The following PKHD1 variants were observed in gnomAD, a reference collection of about 807,000 sequenced individuals.
PKHD1 encodes fibrocystin.
PKHD1 carries 291 observed loss-of-function variants against 412.0 expected under a neutral mutation model. The observed-to-expected ratio is 0.71, with a 90% CI of 0.64 to 0.78. The LOEUF (loss-of-function observed/expected upper bound fraction) is 0.78. PKHD1 is among the 30% of genes least tolerant of loss of function. The pLI, the probability that PKHD1 is intolerant of heterozygous loss-of-function variation, is 0.00. For missense variants in PKHD1, 4,825 were observed against 4,950.7 expected (o/e 0.97, Z 0.76); for synonymous variants, 1,777 against 1,821.5 (o/e 0.98, Z 0.62).
intron 49 of PKHD1, among the ~76,000 whole-genome samples, chr6:51,850,969 G>T (rs1772119025): frequency 6.6e-6 from 1 of 152,094 alleles, no homozygotes; most frequent in African/African-American, 2.4e-5. Flanking sequence ...TCCTTGTCTT[G>T]TGCTGGTTTT....
intron 11 of PKHD1, among the ~76,000 whole-genome samples, chr6:52,068,332 C>T (rs1391114049): frequency 1.3e-5 from 2 of 152,158 alleles, no homozygotes; most frequent in African/African-American, 4.8e-5. Flanking sequence ...GTCCTGATCC[C>T]AAGAAGACAC....
chr6:52,064,896 C>T, intron 13 of PKHD1, 59 bp downstream of exon 13: 1 of 859,068 alleles, frequency 1.2e-6, no homozygotes, highest in Non-Finnish European at 2.0e-6. Context: ...TTCTACTCGC[C>T]AGCCCATCAT....
At chr6:51,921,419 C>T (rs1194869449) in intron 37 of PKHD1, among the ~76,000 whole-genome samples, 1 of 152,166 alleles carries the variant, frequency 6.6e-6, no homozygotes, top group Non-Finnish European at 1.5e-5. Context: ...GGTTGCTCTT[C>T]TCAAGGAGTA....
chr6:52,080,148 C>T, intron 4 of PKHD1, 140 bp from the exon 5 acceptor site: 1 of 683,732 alleles, frequency 1.5e-6, no homozygotes, highest in South Asian at 1.5e-5. Context: ...CCTTTCACCT[C>T]TTTGATCCAC....
chr6:51,803,617 T>G (rs1432116921), intron 52 of PKHD1, among the ~76,000 whole-genome samples: 1 of 151,684 alleles, frequency 6.6e-6, no homozygotes, highest in Non-Finnish European at 1.5e-5. Flanking sequence ...ATTCATTCAC[T>G]TAGCAAATAC....
In PKHD1 at chr6:51,746,772, A is replaced by T; in HGVS notation, c.9947T>A (p.Met3316Lys). The change falls in exon 59 of 67, where the codon ATG becomes AAG. Residue 3316 changes from methionine to lysine, a missense_variant. By Grantham distance (95) the Met-to-Lys change is moderately conservative. Coordinates refer to ENST00000371117, the MANE Select transcript of PKHD1 (RefSeq NM_138694.4). ...CTTGTTTTTATCTTTTATCTTTAGC[A>T]TCCTGGTCCTCTCTGCTGTTATTGG... ...MHPITAERTR[M>K]LKIKDKNKFY... 1 of 1,611,626 alleles carries T rather than the reference A, an allele frequency of 6.2e-7. No individual in the cohort carries two copies. Among genetic ancestry groups the T allele is most frequent in the East Asian group, 2.2e-5 (1 of 44,842 alleles).
chr6:51,864,201 G>A (rs955990877), intron 48 of PKHD1, among the ~76,000 whole-genome samples: 23 of 152,112 alleles, frequency 1.5e-4, no homozygotes, highest in African/African-American at 4.8e-4. Flanking sequence ...GCAGAGTGCT[G>A]AGAGATAATG....
At chr6:51,636,857 T>C (rs1227730769) in intron 64 of PKHD1, among the ~76,000 whole-genome samples, 1 of 152,160 alleles carries the variant, frequency 6.6e-6, no homozygotes, top group African/African-American at 2.4e-5. Flanking sequence ...CTCCATCTAT[T>C]CTCTCCAAAT....
chr6:51,772,492 T>C (rs1790312033), intron 55 of PKHD1, among the ~76,000 whole-genome samples: 1 of 151,978 alleles, frequency 6.6e-6, no homozygotes, highest in Non-Finnish European at 1.5e-5. Context: ...ATAAACTGTG[T>C]TCCTCTATTA....
At chr6:51,666,768 C>G (rs376717772) in intron 60 of PKHD1, among the ~76,000 whole-genome samples, 1 of 147,784 alleles carries the variant, frequency 6.8e-6, no homozygotes, top group East Asian at 2.0e-4. Context: ...TTGTTCAATT[C>G]CCACCTATGA....
chr6:51,842,011 GA>G (rs1313611459), intron 50 of PKHD1, among the ~76,000 whole-genome samples: 1 of 152,256 alleles, frequency 6.6e-6, no homozygotes, highest in Non-Finnish European at 1.5e-5. Flanking sequence ...AGACAGACCT[GA>G]GTTCTTCTAG....
At chr6:51,959,358 C>T (rs549158966) in intron 36 of PKHD1, among the ~76,000 whole-genome samples, 6 of 152,162 alleles carry the variant, frequency 3.9e-5, no homozygotes, top group Admixed American at 1.3e-4. Context: ...GGTTGAAATT[C>T]GAAATCTCAG....
chr6:51,784,489 G>A (rs1792545868), intron 53 of PKHD1, among the ~76,000 whole-genome samples: 1 of 152,044 alleles, frequency 6.6e-6, no homozygotes, highest in Non-Finnish European at 1.5e-5. Context: ...TCTTCTATTG[G>A]GGAATTTTCC....
chr6:52,041,947 T>C (rs1804951274), intron 27 of PKHD1, among the ~76,000 whole-genome samples: 1 of 152,184 alleles, frequency 6.6e-6, no homozygotes, highest in African/African-American at 2.4e-5. Flanking sequence ...AGAAGGTATG[T>C]GTGGCCTGAA....
chr6:51,766,785 C>T (rs537936524), intron 55 of PKHD1, among the ~76,000 whole-genome samples: 2 of 151,680 alleles, frequency 1.3e-5, no homozygotes, highest in South Asian at 2.1e-4. Flanking sequence ...TGCTAAATGA[C>T]GAGTTAATGG....
At chr6:51,709,161 C>T (rs1780353534) in intron 60 of PKHD1, among the ~76,000 whole-genome samples, 1 of 152,194 alleles carries the variant, frequency 6.6e-6, no homozygotes, top group South Asian at 2.1e-4. Context: ...CTCATTTTCA[C>T]ACTAGACTAT....
At chr6:52,009,920 C>CG (rs2128116058) in intron 35 of PKHD1, among the ~76,000 whole-genome samples, 1 of 151,926 alleles carries the variant, frequency 6.6e-6, no homozygotes, top group South Asian at 2.1e-4. Context: ...CATTGCTGTC[C>CG]CGCCAAGCTG....
chr6:51,719,432 A>G (rs1781648656), intron 60 of PKHD1, among the ~76,000 whole-genome samples: 2 of 152,158 alleles, frequency 1.3e-5, no homozygotes, highest in African/African-American at 4.8e-5. Flanking sequence ...GAAAGGTGCT[A>G]TACTGTGCAT....
chr6:52,060,711 A>G (rs932686687), intron 14 of PKHD1, among the ~76,000 whole-genome samples: 1 of 152,082 alleles, frequency 6.6e-6, no homozygotes, highest in Non-Finnish European at 1.5e-5. Flanking sequence ...TGATAATGCT[A>G]TTTTCTTAAA....
Sources: gnomAD v4.1 joint callset for allele counts (sites outside exome capture counted in the v4.1 genomes callset) on GRCh38, gnomAD v4.1.1 for gene constraint, MANE v1.5 for transcripts, NCBI Gene and HGNC (gene_info 2026-07-23, HGNC 2026-07-21) for gene names.